Variants in DPYD observed in about 807,000 individuals in gnomAD.
The protein encoded by DPYD is dihydropyrimidine dehydrogenase.
In DPYD, 109 loss-of-function variants were observed where a neutral mutation model predicts 116.2. The ratio of observed to expected loss-of-function variants is 0.94; its 90% CI spans 0.80 to 1.10. The LOEUF (loss-of-function observed/expected upper bound fraction) is 1.10, where lower values mean the gene tolerates loss of function less well. Ranked by LOEUF, DPYD falls within the 50% of genes least tolerant of loss-of-function variation. DPYD has a pLI of 0.00. For missense variants in DPYD, 1,302 were observed against 1,254.5 expected (o/e 1.04, Z -0.57); for synonymous variants, 440 against 432.0 (o/e 1.02, Z -0.23).
Position 97,573,746 on chromosome 1 carries a change from TC to T in DPYD, c.1339+13del. On this transcript the variant is annotated intron_variant, in intron 11 of 22. Coordinates refer to ENST00000370192, the MANE Select transcript of DPYD (RefSeq NM_000110.4). ...AGACAATTGCATCACACATTTCAGC[TC>T]CCAGCACTGTACCTTTAGGATCACT... 6.2e-7 allele frequency: 1 copy of T among 1,613,294 alleles called. No homozygotes were observed.
At chr1:97,642,651 T>C (rs1318658895) in intron 8 of DPYD, among the ~76,000 whole-genome samples, 1 of 145,764 alleles carries the variant, frequency 6.9e-6, no homozygotes, top group Non-Finnish European at 1.5e-5. Flanking sequence ...AAACACCGCA[T>C]GTTCTCACTC....
At chr1:97,616,923 G>C (rs1214512743) in intron 8 of DPYD, among the ~76,000 whole-genome samples, 1 of 151,980 alleles carries the variant, frequency 6.6e-6, no homozygotes, top group Non-Finnish European at 1.5e-5. Context: ...GTCTCCCTCT[G>C]TTGCCGGGCT....
intron 20 of DPYD, among the ~76,000 whole-genome samples, 196 bp downstream of exon 20, chr1:97,192,873 T>A (rs770793295): frequency 1.3e-5 from 2 of 152,194 alleles, no homozygotes; most frequent in East Asian, 3.8e-4. Flanking sequence ...TGTGTTGTAT[T>A]GGTTTATAAA....
chr1:97,674,951 C>T (rs1369541178), intron 8 of DPYD, among the ~76,000 whole-genome samples: 1 of 152,180 alleles, frequency 6.6e-6, no homozygotes, highest in African/African-American at 2.4e-5. Context: ...AGAGCCCTTA[C>T]ATTGTATAGC....
chr1:97,227,971 A>G (rs1045328844), intron 19 of DPYD, among the ~76,000 whole-genome samples: 26 of 151,984 alleles, frequency 1.7e-4, no homozygotes, highest in Non-Finnish European at 3.1e-4. Context: ...AAAATTTTCT[A>G]GGATTTACAA....
intron 18 of DPYD, among the ~76,000 whole-genome samples, chr1:97,274,614 AC>A (rs1664820261): frequency 6.6e-6 from 1 of 152,220 alleles, no homozygotes; most frequent in Non-Finnish European, 1.5e-5. Context: ...GAACCAAAGT[AC>A]AAATACTCAT....
At chr1:97,590,024 C>A (rs559775792) in intron 10 of DPYD, among the ~76,000 whole-genome samples, 25 of 152,246 alleles carry the variant, frequency 1.6e-4, no homozygotes, top group Admixed American at 5.2e-4. Flanking sequence ...CTTTCAAAAC[C>A]TGTATCTTAA....
intron 13 of DPYD, among the ~76,000 whole-genome samples, chr1:97,455,167 G>C (rs1676614254): frequency 6.6e-6 from 1 of 151,816 alleles, no homozygotes; most frequent in Non-Finnish European, 1.5e-5. Flanking sequence ...AGCAAGGAGG[G>C]CTTTCTGAAA....
intron 19 of DPYD, among the ~76,000 whole-genome samples, chr1:97,232,104 C>A (rs1661621502): frequency 6.6e-6 from 1 of 152,142 alleles, no homozygotes; most frequent in African/African-American, 2.4e-5. Flanking sequence ...GTTAAGGATT[C>A]CTGGCAATAC....
At chr1:97,836,443 T>G (rs558710628) in intron 2 of DPYD, among the ~76,000 whole-genome samples, 1 of 152,314 alleles carries the variant, frequency 6.6e-6, no homozygotes, top group East Asian at 1.9e-4. Context: ...GGTATGGCTG[T>G]GTAATGCAGT....
chr1:97,318,731 C>A (rs1226795722), intron 16 of DPYD, among the ~76,000 whole-genome samples: 2 of 149,404 alleles, frequency 1.3e-5, no homozygotes, highest in East Asian at 4.1e-4. Flanking sequence ...CCAAGCGGAC[C>A]TAATAGACAT....
chr1:97,816,542 T>G (rs1306221929), intron 3 of DPYD, among the ~76,000 whole-genome samples: 1 of 152,164 alleles, frequency 6.6e-6, no homozygotes, highest in East Asian at 1.9e-4. Flanking sequence ...GAATCATAAA[T>G]AAACTAACAC....
intron 3 of DPYD, among the ~76,000 whole-genome samples, chr1:97,753,079 G>T (rs1409401054): frequency 6.6e-6 from 1 of 151,880 alleles, no homozygotes; most frequent in Non-Finnish European, 1.5e-5. Flanking sequence ...TATGCAAGGG[G>T]TTACTATATG....
chr1:97,411,258 G>A (rs1427299495), intron 14 of DPYD, among the ~76,000 whole-genome samples: 1 of 152,090 alleles, frequency 6.6e-6, no homozygotes, highest in Non-Finnish European at 1.5e-5. Flanking sequence ...CTCTGAGCTG[G>A]CACAATAATG....
At chr1:97,356,542 A>T (rs1005742414) in intron 16 of DPYD, among the ~76,000 whole-genome samples, 2 of 152,226 alleles carry the variant, frequency 1.3e-5, no homozygotes, top group Non-Finnish European at 2.9e-5. Flanking sequence ...ACACCCAGGC[A>T]AACAGGGTCT....
Position 97,450,118 on chromosome 1 carries a change from T to G in DPYD, c.1846A>C (p.Lys616Gln), listed in dbSNP as rs368146607. The stretch of plus-strand genomic sequence containing the variant: ...CTTTGACACCAATATGCAGCCGTTT[T>G]CTCACTGATGAGCTCAATATTCAGA... ...SFLNIELISE[K>Q]TAAYWCQSVT... The change falls in exon 14 of 23, where the codon AAA becomes CAA. Residue 616 changes from lysine to glutamine, a missense_variant. By Grantham distance (53) the Lys-to-Gln change is moderately conservative. Coordinates refer to ENST00000370192, the MANE Select transcript of DPYD (RefSeq NM_000110.4). 46 of 1,613,924 alleles carry G rather than the reference T, an allele frequency of 2.9e-5. No individual in the cohort carries two copies. The highest frequency in any genetic ancestry group is 3.8e-5 in the Non-Finnish European group (45 of 1,179,936).
intron 19 of DPYD, among the ~76,000 whole-genome samples, chr1:97,201,400 C>T (rs1273072468): frequency 6.6e-6 from 1 of 152,026 alleles, no homozygotes; most frequent in African/African-American, 2.4e-5. Flanking sequence ...CCAGTACTAA[C>T]AAACAGATGT....
At chr1:97,575,481 C>G (rs1330462644) in intron 10 of DPYD, among the ~76,000 whole-genome samples, 1 of 152,108 alleles carries the variant, frequency 6.6e-6, no homozygotes, top group Non-Finnish European at 1.5e-5. Context: ...CTGATCTATA[C>G]TATACATTAT....
chr1:97,298,512 T>C (rs1313378223), intron 18 of DPYD, among the ~76,000 whole-genome samples: 1 of 150,500 alleles, frequency 6.6e-6, no homozygotes, highest in Non-Finnish European at 1.5e-5. Context: ...AAAAGACTCA[T>C]AAATATAAAT....
Sources: gnomAD v4.1 joint callset for allele counts (sites outside exome capture counted in the v4.1 genomes callset) on GRCh38, gnomAD v4.1.1 for gene constraint, MANE v1.5 for transcripts, NCBI Gene and HGNC (gene_info 2026-07-23, HGNC 2026-07-21) for gene names.